The following CLMP variants were observed in gnomAD, a reference collection of about 807,000 sequenced individuals.
The protein encoded by CLMP is CXADR-like membrane protein.
A neutral mutation model predicts 45.2 loss-of-function variants in CLMP; 27 were observed. That is an observed-to-expected ratio of 0.60 (90% CI 0.44 to 0.82). CLMP has a LOEUF of 0.82. Among genes scored for constraint, CLMP ranks in the 40% least tolerant of loss-of-function variants. The pLI, the probability that CLMP is intolerant of heterozygous loss-of-function variation, is 0.00. For missense variants in CLMP, 403 were observed against 448.4 expected (o/e 0.90, Z 0.91); for synonymous variants, 167 against 171.4 (o/e 0.97, Z 0.20).
Position 123,144,066 on chromosome 11 carries a change from C to T in CLMP, c.29-46114G>A, listed in dbSNP as rs541345731. Among the ~76,000 whole-genome samples, 10 of 152,210 alleles carry T rather than the reference C, an allele frequency of 6.6e-5. No homozygotes were observed. The South Asian group carries it at 1.0e-3, about 16-fold the overall frequency. On this transcript the variant is annotated intron_variant, in intron 1 of 6. Transcript: ENST00000448775. ...TCAAGTGATCCGTCTGCCTCAGATC[C>T]GTCTCCCAGAGTGCTAGGATTACAG...
chr11:123,124,755 T>C (rs551220498), intron 1 of CLMP, among the ~76,000 whole-genome samples: 1 of 152,330 alleles, frequency 6.6e-6, no homozygotes, highest in South Asian at 2.1e-4. Flanking sequence ...TCCCTGAGGG[T>C]CTTGGGCAGT....
rs78476572 is a variant in CLMP at position 123,134,113 on chromosome 11, C to T, written c.29-36161G>A. Among the ~76,000 whole-genome samples, 401 of 151,936 alleles carry T rather than the reference C, an allele frequency of 2.6e-3. 8 individuals carry two copies. The South Asian group carries it at 0.033, about 13-fold the overall frequency. ...TGTCTCTACTAAAAATACAAAAATT[C>T]GCCAGGCGTGGTGGCACACACCTGT... On this transcript the variant is annotated intron_variant, in intron 1 of 6. Coordinates refer to ENST00000448775, the MANE Select transcript of CLMP (RefSeq NM_024769.5).
In CLMP at chr11:123,161,888, C is replaced by T. The variant is rs1016672464; in HGVS notation, c.28+33025G>A. On this transcript the variant is annotated intron_variant, in intron 1 of 6. Transcript: ENST00000448775. ...TCTTCACAAGCCCTGCAGGTGCTAA[C>T]GATGCACTGGCTCTCAAATTGGAGA... Among the ~76,000 whole-genome samples the T allele has an allele frequency of 4.3e-4, 66 of 152,268 alleles. 4 individuals are homozygous for T. Among genetic ancestry groups the T allele is most frequent in the African/African-American group, 3.4e-4 (14 of 41,548 alleles).
intron 1 of CLMP, among the ~76,000 whole-genome samples, chr11:123,161,820 T>A (rs1861491416): frequency 1.3e-5 from 2 of 152,204 alleles, no homozygotes; most frequent in African/African-American, 4.8e-5. Flanking sequence ...ACATGCAGAC[T>A]CTTGGACCTA....
chr11:123,130,599 G>A (rs111334514), intron 1 of CLMP, among the ~76,000 whole-genome samples: 6 of 152,070 alleles, frequency 3.9e-5, no homozygotes, highest in Non-Finnish European at 7.4e-5. Context: ...TCACTGGCAG[G>A]CACCCACTGG....
rs950842155 is a variant in CLMP at position 123,162,896 on chromosome 11, C to T, written c.28+32017G>A. ...CTCCAGCCTGGGTGATAGAGTGAGA[C>T]CCTGTCTCAAAAAAAAAAGAGAGAA... On this transcript the variant is annotated intron_variant, in intron 1 of 6. Coordinates refer to ENST00000448775, the MANE Select transcript of CLMP (RefSeq NM_024769.5). 2.7e-5 allele frequency among the ~76,000 whole-genome samples: 4 copies of T among 150,942 alleles called. No individual in the cohort carries two copies. In the East Asian group the frequency reaches 7.8e-4, roughly 29 times the overall value.
At chr11:123,141,985 CTTT>C (rs10714246) in intron 1 of CLMP, among the ~76,000 whole-genome samples, 1,800 of 117,566 alleles carry the variant, frequency 0.015, 32 homozygotes, top group African/African-American at 0.056. Flanking sequence ...TCCCCCCAGC[CTTT>C]TTTTTTTTTT....
chr11:123,152,559 T>C (rs181061487), intron 1 of CLMP, among the ~76,000 whole-genome samples: 3 of 149,770 alleles, frequency 2.0e-5, no homozygotes, highest in Admixed American at 6.6e-5. Context: ...AATAAATAAA[T>C]AAATAAAAAA....
At chr11:123,186,625 T>C (rs1175962077) in intron 1 of CLMP, among the ~76,000 whole-genome samples, 2 of 151,982 alleles carry the variant, frequency 1.3e-5, no homozygotes, top group African/African-American at 4.8e-5. Context: ...CAGGTTTGAA[T>C]GATTCTCCTG....
At chr11:123,123,868 C>T (rs577005857) in intron 1 of CLMP, among the ~76,000 whole-genome samples, 5 of 152,102 alleles carry the variant, frequency 3.3e-5, no homozygotes, top group East Asian at 3.9e-4. Context: ...GAGGAGATGG[C>T]GACCCATAAA....
intron 1 of CLMP, among the ~76,000 whole-genome samples, chr11:123,111,011 T>C (rs949471718): frequency 6.6e-6 from 1 of 152,204 alleles, no homozygotes; most frequent in Non-Finnish European, 1.5e-5. Context: ...CTAATAATTA[T>C]GAGTGCTCAG....
chr11:123,187,315 A>G (rs1309870011), intron 1 of CLMP, among the ~76,000 whole-genome samples: 1 of 152,184 alleles, frequency 6.6e-6, no homozygotes, highest in Non-Finnish European at 1.5e-5. Context: ...TCCCTTGAAG[A>G]GTGATTGGAA....
chr11:123,092,509 G>T (rs968673225), intron 2 of CLMP, among the ~76,000 whole-genome samples: 1 of 152,054 alleles, frequency 6.6e-6, no homozygotes, highest in Non-Finnish European at 1.5e-5. Context: ...TATTGGCCAG[G>T]TTGGTCTTGA....
chr11:123,088,071 C>T (rs1865886474), intron 2 of CLMP, among the ~76,000 whole-genome samples: 1 of 151,890 alleles, frequency 6.6e-6, no homozygotes, highest in Non-Finnish European at 1.5e-5. Context: ...CCACCAGGCC[C>T]AGCTAATTTT....
chr11:123,083,335 T>C, intron 4 of CLMP, 128 bp from the exon 5 acceptor site: 1 of 986,092 alleles, frequency 1.0e-6, no homozygotes, highest in Admixed American at 2.4e-5. Flanking sequence ...ATGGAAAAGA[T>C]ATCCTTTGGG....
intron 1 of CLMP, among the ~76,000 whole-genome samples, chr11:123,140,791 G>A (rs532142415): frequency 2.6e-5 from 4 of 152,172 alleles, no homozygotes; most frequent in South Asian, 2.1e-4. Flanking sequence ...CCATACCCCC[G>A]ATATGATTTA....
At chr11:123,168,013 GA>G (rs2135538574) in intron 1 of CLMP, among the ~76,000 whole-genome samples, 1 of 152,280 alleles carries the variant, frequency 6.6e-6, no homozygotes, top group African/African-American at 2.4e-5. Flanking sequence ...GATATTTCCA[GA>G]AGCTGAAAGC....
At chr11:123,087,027 C>G (rs1236058619) in intron 2 of CLMP, among the ~76,000 whole-genome samples, 1 of 152,110 alleles carries the variant, frequency 6.6e-6, no homozygotes, top group Non-Finnish European at 1.5e-5. Flanking sequence ...AACCCTGTCT[C>G]TACTAAAAAA....
intron 2 of CLMP, among the ~76,000 whole-genome samples, chr11:123,086,478 C>T (rs1865866329): frequency 6.6e-6 from 1 of 152,200 alleles, no homozygotes; most frequent in Non-Finnish European, 1.5e-5. Context: ...AATTGTTTCA[C>T]TCAAGCCCTC....
Sources: gnomAD v4.1 joint callset for allele counts (sites outside exome capture counted in the v4.1 genomes callset) on GRCh38, gnomAD v4.1.1 for gene constraint, MANE v1.5 for transcripts, NCBI Gene and HGNC (gene_info 2026-07-23, HGNC 2026-07-21) for gene names.